NELL1: variants seen among roughly 807,000 people sequenced by gnomAD.
NELL1 encodes the protein neural EGFL like 1, also known as protein kinase C-binding protein NELL1.
In NELL1, 76 loss-of-function variants were observed where a neutral mutation model predicts 107.4. The observed-to-expected ratio is 0.71, with a 90% CI of 0.59 to 0.86. The LOEUF (loss-of-function observed/expected upper bound fraction) is 0.86. Among genes scored for constraint, NELL1 ranks in the 40% least tolerant of loss-of-function variants. The probability of loss-of-function intolerance (pLI) is 0.00; values close to 1 mark genes in which losing one functional copy is unlikely to be tolerated. For synonymous variants in NELL1, 353 were observed against 341.2 expected (o/e 1.03, Z -0.38); for missense variants, 1,024 against 1,005.5 (o/e 1.02, Z -0.25).
At chr11:20,755,559 T>TA (rs1554914196) in intron 2 of NELL1, among the ~76,000 whole-genome samples, 2 of 17,668 alleles carry the variant, frequency 1.1e-4, no homozygotes, top group East Asian at 1.2e-3. Context: ...TGTTTTTGTT[T>TA]TTGTTTTTTT....
chr11:21,066,704 C>G (rs186751612), intron 12 of NELL1, among the ~76,000 whole-genome samples: 4 of 152,174 alleles, frequency 2.6e-5, no homozygotes, highest in Admixed American at 6.6e-5. Context: ...AATCTCAGCA[C>G]TTTGGGAGGC....
chr11:21,078,801 A>G (rs542047666), intron 12 of NELL1, among the ~76,000 whole-genome samples: 3 of 152,246 alleles, frequency 2.0e-5, no homozygotes, highest in African/African-American at 7.2e-5. Flanking sequence ...TTAAAGATAG[A>G]TTAGTTTTCC....
At chr11:20,754,268 C>T (rs1240380643) in intron 2 of NELL1, among the ~76,000 whole-genome samples, 2 of 152,296 alleles carry the variant, frequency 1.3e-5, no homozygotes, top group Middle Eastern at 3.4e-3. Flanking sequence ...GGGCCTTTAA[C>T]AGTGTCTCAG....
intron 4 of NELL1, among the ~76,000 whole-genome samples, chr11:20,878,481 A>C (rs1036534415): frequency 6.6e-6 from 1 of 151,586 alleles, no homozygotes; most frequent in Non-Finnish European, 1.5e-5. Flanking sequence ...TCTGCCTGAT[A>C]GATTCAAATT....
chr11:21,009,053 C>G (rs904956862), intron 12 of NELL1, among the ~76,000 whole-genome samples: 1 of 152,026 alleles, frequency 6.6e-6, no homozygotes, highest in Non-Finnish European at 1.5e-5. Flanking sequence ...ACCTTGATGT[C>G]CATGGACCTG....
chr11:21,424,993 A>G (rs1380525337), intron 15 of NELL1, among the ~76,000 whole-genome samples: 2 of 152,198 alleles, frequency 1.3e-5, no homozygotes, highest in Non-Finnish European at 2.9e-5. Flanking sequence ...AGACAACTAC[A>G]AACCAGTATC....
chr11:20,863,979 G>GCGCCTGCAAT lies in NELL1; in HGVS notation c.506+16230_506+16239dup, dbSNP rs59195625. Among the ~76,000 whole-genome samples the GCGCCTGCAAT allele has an allele frequency of 5.3e-3, 803 of 152,170 alleles. 9 individuals are homozygous for GCGCCTGCAAT. The highest frequency in any genetic ancestry group is 0.019 in the African/African-American group (776 of 41,504). On this transcript the variant is annotated intron_variant, in intron 4 of 19. Coordinates refer to ENST00000357134, the MANE Select transcript of NELL1 (RefSeq NM_006157.5). ...GAAAACCAGTCAGGCGTGGCGGCGC[G>GCGCCTGCAAT]CGCCTGCAATCGCAGGCACTCGGCA...
rs896388158 is a variant in NELL1 at position 20,686,753 on chromosome 11, C to T, written c.184+8693C>T. The stretch of plus-strand genomic sequence containing the variant: ...TGGAGAAACTTTCAGGTGGAATTTA[C>T]AAGGAGGAAGCTTTAGGCTAAACTT... On this transcript the variant is annotated intron_variant, in intron 2 of 19. Coordinates refer to ENST00000357134, the MANE Select transcript of NELL1 (RefSeq NM_006157.5). Among the ~76,000 whole-genome samples the T allele has an allele frequency of 6.6e-5, 10 of 152,246 alleles. No homozygotes were observed. In the East Asian group the frequency reaches 1.7e-3, roughly 27 times the overall value.
At chr11:21,293,957 C>A (rs1435273121) in intron 14 of NELL1, among the ~76,000 whole-genome samples, 1 of 152,022 alleles carries the variant, frequency 6.6e-6, no homozygotes, top group East Asian at 1.9e-4. Flanking sequence ...GGAGGGATAG[C>A]AATAGGAGAA....
intron 2 of NELL1, among the ~76,000 whole-genome samples, chr11:20,748,885 C>T (rs1856065141): frequency 2.7e-5 from 4 of 147,958 alleles, no homozygotes; most frequent in Admixed American, 1.3e-4. Flanking sequence ...TCCATCCATC[C>T]ATCCATCCAT....
chr11:21,013,812 C>G (rs1590540577), intron 12 of NELL1, among the ~76,000 whole-genome samples: 1 of 152,114 alleles, frequency 6.6e-6, no homozygotes, highest in East Asian at 1.9e-4. Flanking sequence ...TGTTCGGTAT[C>G]CCATTCGGGC....
intron 15 of NELL1, among the ~76,000 whole-genome samples, chr11:21,422,917 C>A (rs192504489): frequency 6.6e-6 from 1 of 152,004 alleles, no homozygotes; most frequent in Non-Finnish European, 1.5e-5. Context: ...TTAAACAAAA[C>A]ATGATCCAGC....
At chr11:20,953,489 G>A (rs1028803784) in intron 11 of NELL1, among the ~76,000 whole-genome samples, 2 of 151,798 alleles carry the variant, frequency 1.3e-5, no homozygotes, top group Non-Finnish European at 1.5e-5. Flanking sequence ...GTGGCAGTGT[G>A]GGGGGGCCTC....
At chr11:21,375,274 C>A (rs181873766) in intron 15 of NELL1, among the ~76,000 whole-genome samples, 341 of 152,072 alleles carry the variant, frequency 2.2e-3, no homozygotes, top group Non-Finnish European at 4.0e-3. Flanking sequence ...CCTAATGCTT[C>A]GCTCCCACTT....
At chr11:21,025,597 C>T (rs925076330) in intron 12 of NELL1, among the ~76,000 whole-genome samples, 1 of 152,004 alleles carries the variant, frequency 6.6e-6, no homozygotes, top group Admixed American at 6.6e-5. Context: ...TGCCTGAGTT[C>T]TAAACATTAA....
chr11:21,502,869 A>T (rs546249158), intron 15 of NELL1, among the ~76,000 whole-genome samples: 66 of 152,200 alleles, frequency 4.3e-4, no homozygotes, highest in African/African-American at 8.9e-4. Flanking sequence ...TTTATTTTTT[A>T]AAAAATTTTT....
At chr11:21,115,322 T>G (rs2133732144) in intron 13 of NELL1, among the ~76,000 whole-genome samples, 1 of 138,546 alleles carries the variant, frequency 7.2e-6, no homozygotes, top group Non-Finnish European at 1.5e-5. Flanking sequence ...GCAGGAAAAG[T>G]CTACATCAAA....
chr11:21,071,751 G>A (rs556305856), intron 12 of NELL1, among the ~76,000 whole-genome samples: 1 of 152,178 alleles, frequency 6.6e-6, no homozygotes, highest in Non-Finnish European at 1.5e-5. Context: ...AGGAATCAAA[G>A]CTCGGCTCTA....
intron 15 of NELL1, among the ~76,000 whole-genome samples, chr11:21,497,870 A>G (rs1345979245): frequency 2.6e-5 from 4 of 152,028 alleles, no homozygotes; most frequent in Admixed American, 2.6e-4. Flanking sequence ...TACCTGTGAT[A>G]TATTTGTTTC....
Sources: gnomAD v4.1 joint callset for allele counts (sites outside exome capture counted in the v4.1 genomes callset) on GRCh38, gnomAD v4.1.1 for gene constraint, MANE v1.5 for transcripts, NCBI Gene and HGNC (gene_info 2026-07-23, HGNC 2026-07-21) for gene names.